MACROD2: variants seen among roughly 807,000 people sequenced by gnomAD.
MACROD2 encodes ADP-ribose glycohydrolase MACROD2.
In MACROD2, 36 loss-of-function variants were observed where a neutral mutation model predicts 70.4. The observed-to-expected ratio is 0.51, with a 90% confidence interval of 0.39 to 0.68. The LOEUF (loss-of-function observed/expected upper bound fraction) is 0.68. Among genes scored for constraint, MACROD2 ranks in the 30% least tolerant of loss-of-function variants. The pLI is 0.00. For synonymous variants in MACROD2, 172 were observed against 178.8 expected (o/e 0.96, Z 0.30); for missense variants, 496 against 538.4 (o/e 0.92, Z 0.78).
intron 8 of MACROD2, among the ~76,000 whole-genome samples, chr20:15,613,379 C>T (rs1446599721): frequency 2.0e-5 from 3 of 152,174 alleles, no homozygotes; most frequent in African/African-American, 7.2e-5. Context: ...GCAGAAATCA[C>T]CTTACTTCAA....
chr20:15,909,085 G>T (rs1348548441), intron 10 of MACROD2, among the ~76,000 whole-genome samples: 1 of 152,188 alleles, frequency 6.6e-6, no homozygotes, highest in Non-Finnish European at 1.5e-5. Flanking sequence ...GAAATTGGGA[G>T]GCTGAAATAT....
rs2075442378 is a variant in MACROD2 at position 15,051,650 on chromosome 20, A to T, written c.419-178290A>T. ...ACTGGTTGTAGATGTTAATCACATC[A>T]ACAAAATAGTTTCAGAGCTGCATCT... On this transcript the variant is annotated intron_variant, in intron 5 of 17. Coordinates refer to ENST00000684519, the MANE Select transcript of MACROD2 (RefSeq NM_001351661.2). Among the ~76,000 whole-genome samples, 4 of 152,196 alleles carry T rather than the reference A, an allele frequency of 2.6e-5. No individual in the cohort carries two copies. The South Asian group carries it at 8.3e-4, about 32-fold the overall frequency.
chr20:15,338,831 C>T (rs968627127), intron 6 of MACROD2, among the ~76,000 whole-genome samples: 2 of 151,438 alleles, frequency 1.3e-5, no homozygotes, highest in African/African-American at 4.9e-5. Context: ...ATTTTCAAAC[C>T]TTGACTGGAA....
chr20:14,104,319 G>C (rs1471495793), intron 3 of MACROD2, among the ~76,000 whole-genome samples: 1 of 152,090 alleles, frequency 6.6e-6, no homozygotes, highest in Non-Finnish European at 1.5e-5. Flanking sequence ...CTTGGTGGTG[G>C]GTAGCCAAGA....
chr20:14,933,925 T>G (rs1192081568), intron 5 of MACROD2: 1 of 152,218 alleles, frequency 6.6e-6, no homozygotes, highest in East Asian at 1.9e-4. Context: ...AGGTGATAAC[T>G]CATTCAATCA....
intron 8 of MACROD2, among the ~76,000 whole-genome samples, chr20:15,524,925 TAGTCCA>T (rs1389224889): frequency 6.6e-6 from 1 of 152,210 alleles, no homozygotes; most frequent in East Asian, 1.9e-4. Flanking sequence ...TTCTACTGAA[TAGTCCA>T]AGTCCAACTC....
intron 5 of MACROD2, among the ~76,000 whole-genome samples, chr20:14,861,450 A>G (rs2073315881): frequency 6.6e-6 from 1 of 152,050 alleles, no homozygotes; most frequent in African/African-American, 2.4e-5. Context: ...TGACTAAGAG[A>G]CAGTGGCAAA....
intron 6 of MACROD2, among the ~76,000 whole-genome samples, chr20:15,368,858 G>C (rs953521351): frequency 6.6e-6 from 1 of 152,150 alleles, no homozygotes. Context: ...TACATTTAAC[G>C]TGGGTTCATT....
chr20:15,810,001 C>G (rs1018962938), intron 8 of MACROD2, among the ~76,000 whole-genome samples: 1 of 148,742 alleles, frequency 6.7e-6, no homozygotes, highest in Non-Finnish European at 1.5e-5. Context: ...TCTCCTAATG[C>G]TGTCCCTCCC....
intron 2 of MACROD2, among the ~76,000 whole-genome samples, chr20:14,009,102 G>A (rs1433428695): frequency 6.6e-6 from 1 of 152,108 alleles, no homozygotes; most frequent in Non-Finnish European, 1.5e-5. Context: ...TGCAACAAAA[G>A]CAAAAATTGA....
chr20:14,432,515 C>T (rs183732467), intron 3 of MACROD2, among the ~76,000 whole-genome samples: 3 of 151,574 alleles, frequency 2.0e-5, no homozygotes, highest in South Asian at 2.1e-4. Context: ...GAAGATAGTA[C>T]GTGAGGGCTA....
intron 8 of MACROD2, among the ~76,000 whole-genome samples, chr20:15,653,095 T>C (rs1327872064): frequency 6.6e-6 from 1 of 152,170 alleles, no homozygotes; most frequent in African/African-American, 2.4e-5. Flanking sequence ...ATTTCTCCTC[T>C]AGGCCCTACA....
chr20:14,902,966 T>C (rs1369935279), intron 5 of MACROD2, among the ~76,000 whole-genome samples: 2 of 151,568 alleles, frequency 1.3e-5, no homozygotes, highest in Non-Finnish European at 2.9e-5. Context: ...TTTGCTCTTC[T>C]GTCAGCAAAA....
chr20:14,120,493 A>G (rs779549890), intron 3 of MACROD2, among the ~76,000 whole-genome samples: 2 of 151,928 alleles, frequency 1.3e-5, no homozygotes, highest in African/African-American at 2.4e-5. Context: ...AACCAGAAAT[A>G]CCATTTGACC....
chr20:15,852,091 C>T (rs1055311651), intron 8 of MACROD2, among the ~76,000 whole-genome samples: 3 of 152,146 alleles, frequency 2.0e-5, no homozygotes, highest in Non-Finnish European at 2.9e-5. Context: ...TGTGTGTGCA[C>T]GTGTCTGTTC....
intron 5 of MACROD2, among the ~76,000 whole-genome samples, chr20:14,747,298 G>A (rs1358115197): frequency 6.6e-6 from 1 of 152,112 alleles, no homozygotes; most frequent in Admixed American, 6.6e-5. Flanking sequence ...GCCAGGGGTT[G>A]GGGGTAGAAT....
At chr20:14,580,222 T>C (rs1980917688) in intron 4 of MACROD2, among the ~76,000 whole-genome samples, 1 of 152,196 alleles carries the variant, frequency 6.6e-6, no homozygotes, top group South Asian at 2.1e-4. Flanking sequence ...ATATGGTGGC[T>C]GATGTTCACA....
intron 6 of MACROD2, among the ~76,000 whole-genome samples, chr20:15,244,412 A>G (rs1601292048): frequency 6.6e-6 from 1 of 152,212 alleles, no homozygotes; most frequent in Admixed American, 6.5e-5. Flanking sequence ...AATTTCATGC[A>G]TAAGTGATGG....
At chr20:15,422,369 T>G (rs1006613880) in intron 6 of MACROD2, among the ~76,000 whole-genome samples, 1 of 152,200 alleles carries the variant, frequency 6.6e-6, no homozygotes, top group Non-Finnish European at 1.5e-5. Context: ...GAGATCTGCC[T>G]ATACCTGTCT....
Sources: allele counts gnomAD v4.1 joint callset (sites outside exome capture counted in the v4.1 genomes callset), GRCh38; gene constraint gnomAD v4.1.1; transcripts MANE v1.5; gene names NCBI Gene and HGNC (gene_info 2026-07-23, HGNC 2026-07-21).